TMPRSS15: variants seen among roughly 807,000 people sequenced by gnomAD.
TMPRSS15 encodes transmembrane serine protease 15, also known as enteropeptidase.
TMPRSS15 carries 128 observed loss-of-function variants against 125.3 expected under a neutral mutation model. The ratio of observed to expected loss-of-function variants is 1.02; its 90% CI spans 0.89 to 1.18. The LOEUF is 1.18. TMPRSS15 is among the 50% of genes most tolerant of loss of function. The pLI, the probability that TMPRSS15 is intolerant of heterozygous loss-of-function variation, is 0.00. For synonymous variants in TMPRSS15, 446 were observed against 423.2 expected, an observed-to-expected ratio of 1.05 and a Z score of -0.66; for missense variants, 1,283 against 1,212.7, an observed-to-expected ratio of 1.06 and a Z score of -0.86.
intron 18 of TMPRSS15, among the ~76,000 whole-genome samples, chr21:18,304,210 G>T (rs1210943918): frequency 1.3e-5 from 2 of 152,174 alleles, no homozygotes; most frequent in African/African-American, 4.8e-5. Flanking sequence ...TAAGTCAGAT[G>T]ATTCTCAATA....
At position 18,281,226 on chromosome 21, in the gene TMPRSS15, A is replaced by G; in HGVS notation, c.2487-5T>C. On this transcript the variant is annotated splice_polypyrimidine_tract_variant and splice_region_variant and intron_variant, in intron 21 of 24. Coordinates refer to ENST00000284885, the MANE Select transcript of TMPRSS15 (RefSeq NM_002772.3). ...TTGGATGGCTCTAAGTTTCTCCTGA[A>G]AATTGTAATGAAGAAATATGAGACA... The G allele has an allele frequency of 6.2e-7, 1 of 1,613,708 alleles. No individual in the cohort carries two copies. The highest frequency in any genetic ancestry group is 1.1e-5 in the South Asian group (1 of 91,078).
At chr21:18,435,705 G>A (rs1020120549) in intron 1 of TMPRSS15, among the ~76,000 whole-genome samples, 1 of 152,110 alleles carries the variant, frequency 6.6e-6, no homozygotes, top group South Asian at 2.1e-4. Flanking sequence ...CAGAAGGAAT[G>A]GTACCAGTTC....
chr21:18,300,390 G>A (rs944825844), intron 18 of TMPRSS15, among the ~76,000 whole-genome samples: 1 of 148,784 alleles, frequency 6.7e-6, no homozygotes, highest in African/African-American at 2.5e-5. Context: ...TGCCTAGGCT[G>A]GAGTGCAGTG....
At chr21:18,321,797 C>A (rs2075240984) in intron 16 of TMPRSS15, among the ~76,000 whole-genome samples, 1 of 152,128 alleles carries the variant, frequency 6.6e-6, no homozygotes, top group South Asian at 2.1e-4. Flanking sequence ...GCTTTTCAGT[C>A]TTTGGGTATA....
At chr21:18,433,663 C>CAAAAAAAAAAAAAAAAAAA (rs58432155) in intron 1 of TMPRSS15, among the ~76,000 whole-genome samples, 1 of 62,406 alleles carries the variant, frequency 1.6e-5, no homozygotes, top group Non-Finnish European at 2.9e-5. Flanking sequence ...GACCTTGTCT[C>CAAAAAAAAAAAAAAAAAAA]AAAAAAAAAA....
chr21:18,339,988 G>T (rs2075430960), intron 13 of TMPRSS15, among the ~76,000 whole-genome samples: 1 of 152,174 alleles, frequency 6.6e-6, no homozygotes. Flanking sequence ...CACTTCTCAG[G>T]AGTAACACAT....
At chr21:18,469,451 T>C (rs1353388814) in intron 1 of TMPRSS15, among the ~76,000 whole-genome samples, 1 of 152,176 alleles carries the variant, frequency 6.6e-6, no homozygotes, top group Non-Finnish European at 1.5e-5. Context: ...TTTTTTAGGA[T>C]ATAAAAATAT....
chr21:18,357,946 T>G (rs959667697), intron 8 of TMPRSS15, among the ~76,000 whole-genome samples: 2 of 151,762 alleles, frequency 1.3e-5, no homozygotes, highest in East Asian at 1.9e-4. Context: ...AATTAAAATA[T>G]TTAATTTTCA....
intron 16 of TMPRSS15, among the ~76,000 whole-genome samples, chr21:18,323,552 G>A (rs760632022): frequency 1.3e-5 from 2 of 151,972 alleles, no homozygotes; most frequent in Admixed American, 6.6e-5. Context: ...GTGAGATCTG[G>A]GTGGGGACAC....
chr21:18,468,078 T>C (rs1978703530), intron 1 of TMPRSS15, among the ~76,000 whole-genome samples: 1 of 152,264 alleles, frequency 6.6e-6, no homozygotes, highest in Non-Finnish European at 1.5e-5. Context: ...GGATATATAG[T>C]TGGTTATTTA....
At chr21:18,270,470 C>T (rs73320105) in intron 24 of TMPRSS15, among the ~76,000 whole-genome samples, 7,392 of 152,162 alleles carry the variant, frequency 0.049, 584 homozygotes, top group African/African-American at 0.17. Flanking sequence ...CAGCCAATCA[C>T]TTTATTTAAG....
chr21:18,365,268 A>G lies in TMPRSS15; in HGVS notation c.665-20T>C. ...CTGTGGCTGCAAAACGATGCCAATT[A>G]ATGTTAGACAAAAACAATCTTGGGA... On this transcript the variant is annotated intron_variant, in intron 6 of 24. Transcript: ENST00000284885. 1.3e-6 allele frequency: 2 copies of G among 1,581,164 alleles called. No homozygotes were observed. The highest frequency in any genetic ancestry group is 1.7e-6 in the Non-Finnish European group (2 of 1,149,908).
intron 1 of TMPRSS15, among the ~76,000 whole-genome samples, chr21:18,480,914 C>T (rs1198271704): frequency 1.3e-5 from 2 of 151,708 alleles, no homozygotes; most frequent in Non-Finnish European, 2.9e-5. Context: ...TGACATTAAT[C>T]AAAAAGATAG....
rs374823641 is a variant in TMPRSS15, at chr21:18,398,153, A to C, written c.276+46T>G. 2.8e-4 allele frequency: 455 copies of C among 1,606,486 alleles called. 1 individual carries two copies. Among genetic ancestry groups the C allele is most frequent in the Non-Finnish European group, 3.8e-4 (448 of 1,173,432 alleles). On this transcript the variant is annotated intron_variant, in intron 2 of 24. Transcript: ENST00000284885. ...TGAGAAAATGGTGTTTTCAGCAAGT[A>C]GTTAAACTGTGTTATAAAATTTGAA...
At chr21:18,282,962 T>C (rs1164940865) in intron 21 of TMPRSS15, among the ~76,000 whole-genome samples, 1 of 152,106 alleles carries the variant, frequency 6.6e-6, no homozygotes, top group East Asian at 1.9e-4. Context: ...TGCTCCCACA[T>C]AGGGGAAGTT....
upstream of TMPRSS15, among the ~76,000 whole-genome samples, chr21:18,405,708 C>T (rs1330609370): frequency 6.6e-6 from 1 of 152,110 alleles, no homozygotes; most frequent in South Asian, 2.1e-4. Flanking sequence ...ACATGAAGAA[C>T]TTCAGATCTT....
At position 18,297,785 on chromosome 21, in the gene TMPRSS15, GGT is replaced by G; in HGVS notation, c.2208_2209del (p.Pro737IlefsTer9). 1.2e-6 allele frequency: 2 copies of G among 1,613,756 alleles called. No homozygotes were observed. The highest frequency in any genetic ancestry group is 2.7e-5 in the African/African-American group (2 of 75,006). On this transcript the variant is annotated frameshift_variant, in exon 19 of 25. Coordinates refer to ENST00000284885, the MANE Select transcript of TMPRSS15 (RefSeq NM_002772.3). LOFTEE classifies it high-confidence loss of function. ...AGGTGCTGTGTTTAATTTGACAAATGGTCCACCATCGGTAGGGAAGATTGGCT... is the reference window on the plus strand; with the variant it reads ...AGGTGCTGTGTTTAATTTGACAAATGCCACCATCGGTAGGGAAGATTGGCT...
At chr21:18,275,375 G>C in intron 23 of TMPRSS15, 39 bp from the exon 24 acceptor site, 1 of 1,611,884 alleles carries the variant, frequency 6.2e-7, no homozygotes, top group South Asian at 1.1e-5. Context: ...AGTCAGAAGT[G>C]ATCAACATGC....
chr21:18,294,421 G>A lies in TMPRSS15; in HGVS notation c.2335C>T (p.Gln779Ter), dbSNP rs1246795507. 2 of 1,614,230 alleles carry A rather than the reference G, an allele frequency of 1.2e-6. No homozygotes were observed. The highest frequency in any genetic ancestry group is 1.7e-6 in the Non-Finnish European group (2 of 1,180,042). The change falls in exon 21 of 25, where the codon CAA (glutamine) becomes TAA (stop). Residue 779 changes from glutamine (Q) to a stop codon, truncating the protein, a stop_gained. Transcript: ENST00000284885. LOFTEE classifies it high-confidence loss of function. Reference sequence around the variant, plus strand: ...CCAACAATCTTTGGGGTGATGTCTTGAGCTGCCAGTTTTTTTCCACAAGCT... The same window carrying A: ...CCAACAATCTTTGGGGTGATGTCTTAAGCTGCCAGTTTTTTTCCACAAGCT... ...HKSCGKKLAA[Q>*]DITPKIVGGS...
Sources: allele counts gnomAD v4.1 joint callset (sites outside exome capture counted in the v4.1 genomes callset), GRCh38; gene constraint gnomAD v4.1.1; transcripts MANE v1.5; gene names NCBI Gene and HGNC (gene_info 2026-07-23, HGNC 2026-07-21).